Variants in PRKG1 observed in about 807,000 individuals in gnomAD.
PRKG1 encodes cGMP-dependent protein kinase 1.
PRKG1 carries 35 observed loss-of-function variants against 88.1 expected under a neutral mutation model. The observed-to-expected ratio is 0.40, with a 90% CI of 0.30 to 0.53. The LOEUF (loss-of-function observed/expected upper bound fraction) is 0.53, where lower values mean the gene tolerates loss of function less well. Among genes scored for constraint, PRKG1 ranks in the 20% least tolerant of loss-of-function variants. PRKG1 has a pLI of 0.59. For synonymous variants in PRKG1, 303 were observed against 292.5 expected (o/e 1.04, Z -0.37); for missense variants, 540 against 839.8 (o/e 0.64, Z 4.41).
At chr10:51,262,668 C>T (rs887302075) in intron 2 of PRKG1, among the ~76,000 whole-genome samples, 1 of 152,268 alleles carries the variant, frequency 6.6e-6, no homozygotes, top group Non-Finnish European at 1.5e-5. Flanking sequence ...GTTCCACAGG[C>T]TTAACAGGAA....
chr10:51,388,355 T>A (rs1035160542), intron 2 of PRKG1, among the ~76,000 whole-genome samples: 2 of 152,176 alleles, frequency 1.3e-5, no homozygotes, highest in Non-Finnish European at 2.9e-5. Context: ...AGATCAAAGA[T>A]CAGATGCAAA....
chr10:51,698,247 T>C, intron 3 of PRKG1: 3 of 1,614,052 alleles, frequency 1.9e-6, no homozygotes, highest in Non-Finnish European at 2.5e-6. Flanking sequence ...ATTCCTCTCC[T>C]CTCCATTACA....
chr10:51,433,387 C>T, intron 2 of PRKG1, among the ~76,000 whole-genome samples: 1 of 152,066 alleles, frequency 6.6e-6, no homozygotes, highest in East Asian at 1.9e-4. Flanking sequence ...TTGGGTGCTT[C>T]TAGTACCCTC....
chr10:51,029,949 A>G (rs555458383), intron 1 of PRKG1, among the ~76,000 whole-genome samples: 1 of 152,150 alleles, frequency 6.6e-6, no homozygotes, highest in Non-Finnish European at 1.5e-5. Flanking sequence ...AATTAAATCT[A>G]TCTCCTAGAA....
At chr10:51,396,539 A>C (rs11815733) in intron 2 of PRKG1, among the ~76,000 whole-genome samples, 20,086 of 152,258 alleles carry the variant, frequency 0.13, 1,666 homozygotes, top group Middle Eastern at 0.22. Context: ...TTTTCCTTAG[A>C]AGAAACTCGT....
intron 9 of PRKG1, among the ~76,000 whole-genome samples, chr10:52,242,950 A>G (rs1840906387): frequency 6.6e-6 from 1 of 152,150 alleles, no homozygotes; most frequent in Non-Finnish European, 1.5e-5. Context: ...AAGAAAAAAG[A>G]AAAGAAAAAT....
At chr10:51,590,683 C>T (rs1396627753) in intron 3 of PRKG1, among the ~76,000 whole-genome samples, 1 of 152,100 alleles carries the variant, frequency 6.6e-6, no homozygotes, top group African/African-American at 2.4e-5. Flanking sequence ...TCTGTCAGCA[C>T]TCTGGGTGCA....
chr10:51,204,869 A>C (rs2132061558), intron 2 of PRKG1, among the ~76,000 whole-genome samples: 1 of 152,242 alleles, frequency 6.6e-6, no homozygotes, highest in East Asian at 1.9e-4. Flanking sequence ...ATTGGAGCTG[A>C]GTTTCTGTCA....
At chr10:51,916,810 A>G (rs1270761833) in intron 5 of PRKG1, among the ~76,000 whole-genome samples, 1 of 152,260 alleles carries the variant, frequency 6.6e-6, no homozygotes. Context: ...AAAATGTGGT[A>G]TATTCATACA....
intron 3 of PRKG1, among the ~76,000 whole-genome samples, chr10:51,489,384 C>T (rs1391466272): frequency 6.6e-6 from 1 of 152,104 alleles, no homozygotes; most frequent in Non-Finnish European, 1.5e-5. Flanking sequence ...AGCAATGAGG[C>T]ACAGTGGGTA....
chr10:51,697,498 G>A, intron 3 of PRKG1: 4 of 595,092 alleles, frequency 6.7e-6, no homozygotes, highest in Non-Finnish European at 1.2e-5. Flanking sequence ...AAAGTGAACA[G>A]ACGCACTCCC....
chr10:51,864,232 C>T (rs985990467), intron 4 of PRKG1, among the ~76,000 whole-genome samples: 24 of 152,206 alleles, frequency 1.6e-4, no homozygotes, highest in Admixed American at 4.6e-4. Context: ...TATAATCAAA[C>T]CTTCCCATAG....
chr10:51,276,675 T>C (rs1043739214), intron 2 of PRKG1, among the ~76,000 whole-genome samples: 28 of 152,194 alleles, frequency 1.8e-4, no homozygotes, highest in African/African-American at 5.8e-4. Flanking sequence ...TGTGAGATGG[T>C]ATCTCACTGT....
intron 13 of PRKG1, among the ~76,000 whole-genome samples, chr10:52,281,513 A>T (rs368551674): frequency 5.9e-5 from 9 of 152,294 alleles, no homozygotes; most frequent in African/African-American, 2.2e-4. Flanking sequence ...TTTTTAGAGA[A>T]ATCAAATCAG....
At chr10:51,416,976 G>A (rs1388342154) in intron 2 of PRKG1, among the ~76,000 whole-genome samples, 2 of 152,084 alleles carry the variant, frequency 1.3e-5, no homozygotes, top group African/African-American at 4.8e-5. Flanking sequence ...ACTAGTAAAC[G>A]TGTTTCCAGT....
chr10:52,196,044 G>T (rs183102318), intron 9 of PRKG1, among the ~76,000 whole-genome samples: 1 of 151,714 alleles, frequency 6.6e-6, no homozygotes, highest in Non-Finnish European at 1.5e-5. Context: ...ATGGAGTCTC[G>T]CTCTGTTGCC....
At chr10:52,131,890 G>A (rs767855989) in intron 7 of PRKG1, among the ~76,000 whole-genome samples, 32 of 149,792 alleles carry the variant, frequency 2.1e-4, no homozygotes, top group Non-Finnish European at 3.7e-4. Flanking sequence ...GGGAGACACT[G>A]GGAGGATTGT....
intron 2 of PRKG1, among the ~76,000 whole-genome samples, chr10:51,389,377 T>C (rs1837338548): frequency 1.3e-5 from 2 of 152,134 alleles, no homozygotes; most frequent in African/African-American, 4.8e-5. Flanking sequence ...ACCCCACAGA[T>C]AGAAAACCTA....
At chr10:51,882,170 A>T (rs1285761008) in intron 4 of PRKG1, among the ~76,000 whole-genome samples, 1 of 152,208 alleles carries the variant, frequency 6.6e-6, no homozygotes, top group Non-Finnish European at 1.5e-5. Flanking sequence ...TTAGGAACAA[A>T]AGGAGCTCAT....
Sources: allele counts gnomAD v4.1 joint callset (sites outside exome capture counted in the v4.1 genomes callset), GRCh38; gene constraint gnomAD v4.1.1; transcripts MANE v1.5; gene names NCBI Gene and HGNC (gene_info 2026-07-23, HGNC 2026-07-21).